ZNF385D: variants seen among roughly 807,000 people sequenced by gnomAD.
The protein encoded by ZNF385D is zinc finger protein 659.
A neutral mutation model predicts 35.8 loss-of-function variants in ZNF385D; 15 were observed. The observed-to-expected ratio is 0.42, with a 90% CI of 0.28 to 0.64. The LOEUF is 0.64. ZNF385D is among the 30% of genes least tolerant of loss of function. The pLI is 0.23. For synonymous variants in ZNF385D, 212 were observed against 186.8 expected (o/e 1.13, Z -1.10); for missense variants, 474 against 494.6 (o/e 0.96, Z 0.39).
intron 5 of ZNF385D, among the ~76,000 whole-genome samples, chr3:21,428,868 C>T (rs1406803961): frequency 6.8e-6 from 1 of 147,994 alleles, no homozygotes; most frequent in Non-Finnish European, 1.5e-5. Flanking sequence ...TTCATGATTT[C>T]TGAAAGGTGA....
At chr3:22,073,564 A>T (rs973703691) in intron 3 of ZNF385D, among the ~76,000 whole-genome samples, 2 of 152,004 alleles carry the variant, frequency 1.3e-5, no homozygotes, top group African/African-American at 2.4e-5. Context: ...AGGAATAAAA[A>T]AGCAAGGGTT....
At chr3:22,027,070 G>A (rs9851059) in intron 3 of ZNF385D, among the ~76,000 whole-genome samples, 2,628 of 152,276 alleles carry the variant, frequency 0.017, 87 homozygotes, top group African/African-American at 0.059. Flanking sequence ...CCCACCCAAA[G>A]CAATTTGCCT....
At chr3:22,255,161 G>C (rs1029014043) in intron 2 of ZNF385D, among the ~76,000 whole-genome samples, 1 of 150,964 alleles carries the variant, frequency 6.6e-6, no homozygotes, top group African/African-American at 2.4e-5. Context: ...ATATTGTATA[G>C]ACCTTGAAAA....
chr3:21,455,344 G>A (rs1398305750), intron 4 of ZNF385D, among the ~76,000 whole-genome samples: 6 of 152,148 alleles, frequency 3.9e-5, no homozygotes, highest in African/African-American at 1.4e-4. Flanking sequence ...TATACTACAA[G>A]CCTACAGTAA....
intron 2 of ZNF385D, among the ~76,000 whole-genome samples, chr3:22,331,136 T>A (rs748825337): frequency 2.0e-4 from 31 of 152,362 alleles, no homozygotes; most frequent in Non-Finnish European, 4.0e-4. Flanking sequence ...AAGAACTGAC[T>A]GTTCATTAGG....
At chr3:21,749,014 G>A (rs2069922712) in intron 1 of ZNF385D, among the ~76,000 whole-genome samples, 1 of 152,224 alleles carries the variant, frequency 6.6e-6, no homozygotes, top group African/African-American at 2.4e-5. Context: ...GAAAGAAACA[G>A]CATTCCTGAA....
intron 2 of ZNF385D, among the ~76,000 whole-genome samples, chr3:21,590,136 A>G (rs1283509992): frequency 6.6e-6 from 1 of 152,206 alleles, no homozygotes; most frequent in Non-Finnish European, 1.5e-5. Flanking sequence ...CCTATGGTCT[A>G]TTCACACAGC....
intron 3 of ZNF385D, among the ~76,000 whole-genome samples, chr3:22,017,470 TCTTA>T (rs751207170): frequency 1.2e-4 from 18 of 152,080 alleles, no homozygotes; most frequent in Admixed American, 6.6e-5. Context: ...ATTTTTTGTT[TCTTA>T]TTCTGTCAAT....
chr3:22,339,674 T>A (rs1171357193), intron 2 of ZNF385D, among the ~76,000 whole-genome samples: 1 of 152,204 alleles, frequency 6.6e-6, no homozygotes, highest in East Asian at 1.9e-4. Context: ...CCATTTTAGT[T>A]TCCCAAATTT....
At chr3:22,156,970 T>C (rs1705629334) in intron 3 of ZNF385D, among the ~76,000 whole-genome samples, 1 of 152,150 alleles carries the variant, frequency 6.6e-6, no homozygotes, top group Non-Finnish European at 1.5e-5. Context: ...AGTTCGCCTA[T>C]TTTAACCTCT....
At chr3:21,603,182 C>G (rs1161146831) in intron 2 of ZNF385D, among the ~76,000 whole-genome samples, 1 of 152,124 alleles carries the variant, frequency 6.6e-6, no homozygotes, top group Non-Finnish European at 1.5e-5. Context: ...AATGGCCTCT[C>G]TTAAAGAGGT....
intron 3 of ZNF385D, among the ~76,000 whole-genome samples, chr3:21,838,596 T>C (rs577101907): frequency 2.8e-4 from 43 of 152,162 alleles, no homozygotes; most frequent in Non-Finnish European, 4.9e-4. Context: ...GTCAAAGTGA[T>C]GGAAAAGAGA....
At chr3:21,983,160 TTTTATTA>T (rs745835204) in intron 3 of ZNF385D, among the ~76,000 whole-genome samples, 19,782 of 100,256 alleles carry the variant, frequency 0.2, 1,505 homozygotes, top group African/African-American at 0.32. Flanking sequence ...TTTTATTTTA[TTTTATTA>T]TTTTTTTTTA....
upstream of ZNF385D, chr3:21,751,528 C>G: frequency 2.3e-6 from 2 of 854,456 alleles, no homozygotes; most frequent in Non-Finnish European, 2.8e-6. Context: ...ACCATTCTCT[C>G]CAAAATTTAA....
At chr3:21,983,438 G>C (rs1189798561) in intron 3 of ZNF385D, among the ~76,000 whole-genome samples, 9 of 109,640 alleles carry the variant, frequency 8.2e-5, no homozygotes, top group Non-Finnish European at 1.5e-4. Flanking sequence ...TCTTGCGATA[G>C]TTTACTGAGA....
chr3:21,771,230 A>T (rs1206218782), intron 3 of ZNF385D, among the ~76,000 whole-genome samples: 1 of 151,962 alleles, frequency 6.6e-6, no homozygotes, highest in East Asian at 1.9e-4. Flanking sequence ...CCTAGAACTT[A>T]AAGTATAATA....
intron 2 of ZNF385D, among the ~76,000 whole-genome samples, chr3:22,195,686 C>A (rs1328396066): frequency 6.6e-6 from 1 of 151,990 alleles, no homozygotes; most frequent in Non-Finnish European, 1.5e-5. Flanking sequence ...GTATTGATCT[C>A]TAACCAGCAT....
intron 3 of ZNF385D, among the ~76,000 whole-genome samples, chr3:21,975,404 T>C (rs1703532818): frequency 6.6e-6 from 1 of 151,816 alleles, no homozygotes; most frequent in East Asian, 1.9e-4. Flanking sequence ...TTACCAGAGG[T>C]TGGAAGGGTA....
intron 3 of ZNF385D, among the ~76,000 whole-genome samples, chr3:22,012,588 A>C (rs1696645036): frequency 1.4e-5 from 2 of 145,492 alleles, no homozygotes. Context: ...TAATAAAACA[A>C]GCATTCAAAA....
Sources: gnomAD v4.1 joint callset for allele counts (sites outside exome capture counted in the v4.1 genomes callset) on GRCh38, gnomAD v4.1.1 for gene constraint, MANE v1.5 for transcripts, NCBI Gene and HGNC (gene_info 2026-07-23, HGNC 2026-07-21) for gene names.